ARHGAP15: variants seen among roughly 807,000 people sequenced by gnomAD.
ARHGAP15 encodes Rho GTPase activating protein 15, also known as rho GTPase-activating protein 15.
ARHGAP15 carries 51 observed loss-of-function variants against 63.7 expected under a neutral mutation model. The observed-to-expected ratio is 0.80, with a 90% CI of 0.64 to 1.01. The LOEUF (loss-of-function observed/expected upper bound fraction) is 1.01, where lower values mean the gene tolerates loss of function less well. Ranked by LOEUF, ARHGAP15 falls within the 50% of genes least tolerant of loss-of-function variation. The pLI is 0.00. For missense variants in ARHGAP15, 560 were observed against 564.6 expected, an observed-to-expected ratio of 0.99 and a Z score of 0.08; for synonymous variants, 191 against 193.8, an observed-to-expected ratio of 0.99 and a Z score of 0.12.
intron 8 of ARHGAP15, among the ~76,000 whole-genome samples, chr2:143,463,070 T>C (rs1691030199): frequency 6.6e-6 from 1 of 151,888 alleles, no homozygotes; most frequent in Non-Finnish European, 1.5e-5. Flanking sequence ...ACATGAGATA[T>C]TTTTGTGATT....
intron 6 of ARHGAP15, among the ~76,000 whole-genome samples, chr2:143,306,688 C>T (rs968467278): frequency 6.6e-6 from 1 of 152,074 alleles, no homozygotes; most frequent in African/African-American, 2.4e-5. Context: ...TGAATCCAGA[C>T]CTCCATTTAA....
intron 12 of ARHGAP15, among the ~76,000 whole-genome samples, chr2:143,693,615 T>C (rs1425368726): frequency 4.6e-5 from 7 of 152,218 alleles, no homozygotes; most frequent in Admixed American, 4.6e-4. Context: ...CATTGTCAAA[T>C]TAATGCATTT....
At chr2:143,703,301 G>T in intron 12 of ARHGAP15, 118 bp from the exon 13 acceptor site, 1 of 650,808 alleles carries the variant, frequency 1.5e-6, no homozygotes, top group South Asian at 2.0e-5. Context: ...TTTGACTACT[G>T]ACTAGGACTC....
At chr2:143,612,704 A>G (rs1533526) in intron 11 of ARHGAP15, among the ~76,000 whole-genome samples, 110,359 of 152,108 alleles carry the variant, frequency 0.73, 40,530 homozygotes, top group East Asian at 0.99. Context: ...CCCGATTTGG[A>G]GTTTACCTGT....
chr2:143,479,162 G>A (rs1691959274), intron 8 of ARHGAP15, among the ~76,000 whole-genome samples: 1 of 152,182 alleles, frequency 6.6e-6, no homozygotes, highest in Non-Finnish European at 1.5e-5. Context: ...TACTGCTAAT[G>A]ATGGTTCAGA....
At chr2:143,522,397 ATAGTCG>A (rs1393194811) in intron 10 of ARHGAP15, among the ~76,000 whole-genome samples, 2 of 152,166 alleles carry the variant, frequency 1.3e-5, no homozygotes, top group African/African-American at 4.8e-5. Flanking sequence ...CCTTGCCTTT[ATAGTCG>A]TAGAGCATGT....
intron 6 of ARHGAP15, among the ~76,000 whole-genome samples, chr2:143,392,047 A>G (rs2104970984): frequency 6.6e-6 from 1 of 152,276 alleles, no homozygotes; most frequent in Non-Finnish European, 1.5e-5. Flanking sequence ...AAAAAAGGTG[A>G]CAGGAATGAA....
At chr2:143,349,360 C>T (rs550314261) in intron 6 of ARHGAP15, among the ~76,000 whole-genome samples, 3 of 152,270 alleles carry the variant, frequency 2.0e-5, no homozygotes, top group African/African-American at 4.8e-5. Context: ...GTCTTCAGTT[C>T]CTGTCTTTTC....
chr2:143,359,060 A>G (rs1467497545), intron 6 of ARHGAP15, among the ~76,000 whole-genome samples: 3 of 152,184 alleles, frequency 2.0e-5, no homozygotes, highest in Non-Finnish European at 4.4e-5. Context: ...TGTACTATCT[A>G]CATAATAGTA....
intron 12 of ARHGAP15, among the ~76,000 whole-genome samples, chr2:143,644,043 C>T (rs910251977): frequency 5.3e-5 from 8 of 152,018 alleles, no homozygotes; most frequent in Non-Finnish European, 1.2e-4. Flanking sequence ...ATGGCTGACA[C>T]CTCTATAACA....
intron 2 of ARHGAP15, among the ~76,000 whole-genome samples, chr2:143,156,127 G>A (rs1461069612): frequency 6.6e-6 from 1 of 151,890 alleles, no homozygotes; most frequent in Non-Finnish European, 1.5e-5. Context: ...TTGATTTGGA[G>A]TGGGCTTAAA....
At chr2:143,406,916 G>C (rs534393370) in intron 6 of ARHGAP15, among the ~76,000 whole-genome samples, 18 of 151,968 alleles carry the variant, frequency 1.2e-4, no homozygotes, top group African/African-American at 3.9e-4. Flanking sequence ...AAAGGAAAGG[G>C]GATGAAAGTT....
chr2:143,668,263 T>G (rs1682334174), intron 12 of ARHGAP15, among the ~76,000 whole-genome samples: 1 of 151,442 alleles, frequency 6.6e-6, no homozygotes, highest in Non-Finnish European at 1.5e-5. Flanking sequence ...GTTACCTTAC[T>G]GCCTTGATTC....
intron 12 of ARHGAP15, among the ~76,000 whole-genome samples, chr2:143,644,262 C>T (rs1017339052): frequency 6.6e-6 from 1 of 151,998 alleles, no homozygotes; most frequent in African/African-American, 2.4e-5. Context: ...TGGAACTCAG[C>T]AAGGCCTGTT....
chr2:143,290,777 A>G (rs557776802), intron 6 of ARHGAP15, among the ~76,000 whole-genome samples: 17 of 152,282 alleles, frequency 1.1e-4, no homozygotes, highest in Non-Finnish European at 2.1e-4. Context: ...TTTTAACAGT[A>G]AATGGCTGGA....
chr2:143,394,159 C>T (rs1040547141), intron 6 of ARHGAP15, among the ~76,000 whole-genome samples: 1 of 152,210 alleles, frequency 6.6e-6, no homozygotes. Flanking sequence ...CTTCTTTGCT[C>T]ATCCAGTGCG....
chr2:143,722,446 T>C (rs541734003), intron 13 of ARHGAP15, among the ~76,000 whole-genome samples: 7 of 152,130 alleles, frequency 4.6e-5, no homozygotes, highest in East Asian at 3.9e-4. Context: ...AAAGTACATA[T>C]ACAAGCAGAA....
chr2:143,587,776 GACCTCCAGAGC>G, intron 11 of ARHGAP15: 1 of 469,356 alleles, frequency 2.1e-6, no homozygotes, highest in Non-Finnish European at 4.4e-6. Flanking sequence ...GTGGTCATTT[GACCTCCAGAGC>G]AAGCCAATAA....
At chr2:143,299,550 C>T (rs1682803363) in intron 6 of ARHGAP15, among the ~76,000 whole-genome samples, 1 of 151,848 alleles carries the variant, frequency 6.6e-6, no homozygotes, top group Non-Finnish European at 1.5e-5. Context: ...CTGAATTTTC[C>T]CCTTATTATA....
Sources: gnomAD v4.1 joint callset for allele counts (sites outside exome capture counted in the v4.1 genomes callset) on GRCh38, gnomAD v4.1.1 for gene constraint, MANE v1.5 for transcripts, NCBI Gene and HGNC (gene_info 2026-07-23, HGNC 2026-07-21) for gene names.